Variants in HDAC3 observed in about 807,000 individuals in gnomAD.
HDAC3 encodes the protein SMAP45.
In HDAC3, 21 loss-of-function variants were observed where a neutral mutation model predicts 62.3. The ratio of observed to expected loss-of-function variants is 0.34; its 90% confidence interval spans 0.24 to 0.49. The LOEUF (loss-of-function observed/expected upper bound fraction) is 0.49. Among genes scored for constraint, HDAC3 ranks in the 20% least tolerant of loss-of-function variants. HDAC3 has a pLI of 0.99. For missense variants in HDAC3, 270 were observed against 556.9 expected, an observed-to-expected ratio of 0.48 and a Z score of 5.19; for synonymous variants, 198 against 206.5, an observed-to-expected ratio of 0.96 and a Z score of 0.35.
Position 141,630,060 on chromosome 5 carries a change from G to C in HDAC3, c.347C>G (p.Thr116Ser). The C allele has an allele frequency of 6.2e-7, 1 of 1,614,216 alleles. No individual in the cohort carries two copies. Among genetic ancestry groups the C allele is most frequent in the Non-Finnish European group, 8.5e-7 (1 of 1,180,042 alleles). ...CTATGTCACCTTGTTGTTCAGCTGGGTTGCTCCTTGCAGAGATGCGCCTGT... is the reference window on the plus strand; with the variant it reads ...CTATGTCACCTTGTTGTTCAGCTGGCTTGCTCCTTGCAGAGATGCGCCTGT... ...RYTGASLQGA[T>S]QLNNKICDIA... is the part of the protein sequence containing the mutation. The change falls in exon 4 of 15, where the codon ACC (threonine) becomes AGC (serine). Residue 116 changes from threonine (T) to serine (S), a missense_variant. Thr to Ser is a moderately conservative substitution (Grantham distance 58). Around this residue, in one of 5 missense-constraint regions of HDAC3, gnomAD observed 156 missense variants for 383.9 expected, o/e 0.41. Coordinates refer to ENST00000305264, the MANE Select transcript of HDAC3 (RefSeq NM_003883.4).
In HDAC3 at chr5:141,629,370, C is replaced by T. The variant is rs1421646035; in HGVS notation, c.477-64G>A. 12 of 1,605,590 alleles carry T rather than the reference C, an allele frequency of 7.5e-6. No individual in the cohort carries two copies. Among genetic ancestry groups the T allele is most frequent in the Non-Finnish European group, 1.0e-5 (12 of 1,174,416 alleles). ...AACCCCCCAACCCACTCCTCTCAAA[C>T]ACCGGGTCTCGAATTGTGAAGAGTC... On this transcript the variant is annotated intron_variant, in intron 6 of 14. Transcript: ENST00000305264. The surrounding 1 kb of genome is among the most constrained non-coding windows in gnomAD (Gnocchi z 5.3).
chr5:141,634,753 C>T (rs1351204205), intron 3 of HDAC3, 58 bp downstream of exon 3: 2 of 1,564,322 alleles, frequency 1.3e-6, no homozygotes, highest in East Asian at 2.3e-5. Flanking sequence ...GCCAAAAGAC[C>T]TCACTGAAGG....
chr5:141,622,803 A>G (rs1006128671), intron 14 of HDAC3, among the ~76,000 whole-genome samples: 1 of 151,980 alleles, frequency 6.6e-6, no homozygotes, highest in Non-Finnish European at 1.5e-5. Context: ...TTAACTAGCC[A>G]TGTGACCTTC....
At position 141,630,081 on chromosome 5, in the gene HDAC3, C is replaced by T; in HGVS notation, c.326G>A (p.Gly109Asp). The T allele has an allele frequency of 6.2e-7, 1 of 1,614,168 alleles. No individual in the cohort carries two copies. The highest frequency in any genetic ancestry group is 8.5e-7 in the Non-Finnish European group (1 of 1,180,050). ...CTGGGTTGCTCCTTGCAGAGATGCG[C>T]CTGTGTAACGCGAGCAGAACTCAAA... Reference protein sequence around the residue: ...GLFEFCSRYTGASLQGATQLN... With the variant: ...GLFEFCSRYTDASLQGATQLN... The change falls in exon 4 of 15, where the codon GGC becomes GAC. Residue 109 changes from glycine to aspartate, a missense_variant. Around this residue, in one of 5 missense-constraint regions of HDAC3, gnomAD observed 156 missense variants for 383.9 expected, o/e 0.41. Coordinates refer to ENST00000305264, the MANE Select transcript of HDAC3 (RefSeq NM_003883.4).
In HDAC3 at chr5:141,626,553, C is replaced by T. The variant is rs2099904445; in HGVS notation, c.831-270G>A. On this transcript the variant is annotated intron_variant, in intron 10 of 14. Coordinates refer to ENST00000305264, the MANE Select transcript of HDAC3 (RefSeq NM_003883.4). The surrounding 1 kb of genome is among the most constrained non-coding windows in gnomAD (Gnocchi z 4.6). ...CCTGCTAATCAACTATTCTCATCAACCCAAGTTCTGTCAATTCTAGCCTTG... is the reference window on the plus strand; with the variant it reads ...CCTGCTAATCAACTATTCTCATCAATCCAAGTTCTGTCAATTCTAGCCTTG... The T allele has an allele frequency of 2.3e-6, 1 of 436,030 alleles. No individual in the cohort carries two copies. The highest frequency in any genetic ancestry group is 2.0e-5 in the African/African-American group (1 of 49,940). 27.0% of individuals were successfully genotyped at this position (436,030 alleles called of 1,614,324 possible). A position where few individuals can be genotyped will look rare whatever the true frequency, so the allele number is the denominator to read the frequency against.
At chr5:141,631,393 G>C (rs2099905191) in intron 3 of HDAC3, among the ~76,000 whole-genome samples, 1 of 151,988 alleles carries the variant, frequency 6.6e-6, no homozygotes, top group African/African-American at 2.4e-5. Context: ...GTCAGCTCCA[G>C]GAAAAACAAA....
rs1562369503 is a variant in HDAC3 at position 141,629,908 on chromosome 5, A to G, written c.372T>C (p.Asp124=). The G allele has an allele frequency of 6.2e-7, 1 of 1,614,166 alleles. No individual in the cohort carries two copies. The highest frequency in any genetic ancestry group is 8.5e-7 in the Non-Finnish European group (1 of 1,180,032). ...GATQLNNKIC[D]IAINWAGGLH... The stretch of plus-strand genomic sequence containing the variant: ...GACCACCAGCCCAGTTAATGGCAAT[A>G]TCACAGATCTGAAAGACAAACACCT... The change falls in exon 5 of 15, where the codon GAT becomes GAC. Residue 124 remains aspartate (D), a synonymous_variant. Coordinates refer to ENST00000305264, the MANE Select transcript of HDAC3 (RefSeq NM_003883.4). The surrounding 1 kb of genome is among the most constrained non-coding windows in gnomAD (Gnocchi z 5.3).
rs3749764 is a variant in HDAC3, at chr5:141,621,378, C to A, written c.*90G>T. The A allele has an allele frequency of 0.026, 30,917 of 1,179,234 alleles. 552 individuals are homozygous for A. Among genetic ancestry groups the A allele is most frequent in the East Asian group, 0.045 (1,926 of 42,738 alleles). 73.0% of individuals were successfully genotyped at this position (1,179,234 alleles called of 1,614,324 possible). ...AGAGTCAGCAAAAGCCCTGGGGTGA[C>A]CCCCAGGACTCTAGGAGCCACTCCT... On this transcript the variant is annotated 3_prime_UTR_variant, in exon 15 of 15. Coordinates refer to ENST00000305264, the MANE Select transcript of HDAC3 (RefSeq NM_003883.4).
chr5:141,633,550 G>A (rs916726833), intron 3 of HDAC3, among the ~76,000 whole-genome samples: 1 of 152,152 alleles, frequency 6.6e-6, no homozygotes, highest in Non-Finnish European at 1.5e-5. Context: ...GCTCAGCTGG[G>A]TGCGATGGCT....
chr5:141,630,783 A>T (rs2099905091), intron 3 of HDAC3, among the ~76,000 whole-genome samples: 1 of 152,108 alleles, frequency 6.6e-6, no homozygotes, highest in Non-Finnish European at 1.5e-5. Flanking sequence ...GGTTGCAGAG[A>T]AGTTATTAAC....
chr5:141,623,211 T>C (rs1264738672), intron 14 of HDAC3, among the ~76,000 whole-genome samples: 2 of 152,234 alleles, frequency 1.3e-5, no homozygotes, highest in Non-Finnish European at 2.9e-5. Context: ...ATCAGAGTTG[T>C]CTGATGGCAA....
chr5:141,631,760 G>T (rs1224605759), intron 3 of HDAC3, among the ~76,000 whole-genome samples: 1 of 152,178 alleles, frequency 6.6e-6, no homozygotes, highest in Non-Finnish European at 1.5e-5. Context: ...GTGCTTAAGT[G>T]TCCTCATCGG....
intron 2 of HDAC3, 45 bp from the exon 3 acceptor site, chr5:141,634,998 C>A: frequency 6.2e-7 from 1 of 1,603,028 alleles, no homozygotes; most frequent in Non-Finnish European, 8.5e-7. Flanking sequence ...GTCAGCCCCA[C>A]TCCACAGGCT....
chr5:141,621,028 C>A lies in HDAC3; in HGVS notation c.*440G>T. The A allele has an allele frequency of 5.0e-6, 1 of 200,528 alleles. No individual in the cohort carries two copies. Among genetic ancestry groups the A allele is most frequent in the Non-Finnish European group, 1.0e-5 (1 of 99,106 alleles). The allele number at this position is 200,528 out of a possible 1,614,324, so 12.4% of individuals were successfully genotyped here. ...GGATTCAGGTGTTAGGGAGCCAGAG[C>A]CCCTTCCAAATCTCTCTCTCTTCAT... On this transcript the variant is annotated 3_prime_UTR_variant, in exon 15 of 15. Coordinates refer to ENST00000305264, the MANE Select transcript of HDAC3 (RefSeq NM_003883.4).
At chr5:141,633,970 G>A (rs1361552587) in intron 3 of HDAC3, among the ~76,000 whole-genome samples, 1 of 152,060 alleles carries the variant, frequency 6.6e-6, no homozygotes, top group African/African-American at 2.4e-5. Context: ...ACAAAAGTAA[G>A]TAGAATTGAG....
rs182789018 is a variant in HDAC3 at position 141,630,022 on chromosome 5, A to G, written c.363+22T>C. The stretch of plus-strand genomic sequence containing the variant: ...TCCAGGGATCCAGAGGAAAGGAAGA[A>G]CAGGACTCGGGACTATGTCACCTTG... On this transcript the variant is annotated intron_variant, in intron 4 of 14. Transcript: ENST00000305264. 2.0e-4 allele frequency: 319 copies of G among 1,613,698 alleles called. 1 individual carries two copies. The East Asian group carries it at 6.1e-3, about 31-fold the overall frequency.
chr5:141,629,574 C>A lies in HDAC3; in HGVS notation c.476+110G>T. ...GGCAGCCTGAATAAAGCATCAAGAA[C>A]TTGGGAGAAGCTAATCAGGGAGGAG... is the stretch of plus-strand genomic sequence containing the variant. On this transcript the variant is annotated intron_variant, in intron 6 of 14. Coordinates refer to ENST00000305264, the MANE Select transcript of HDAC3 (RefSeq NM_003883.4). This position sits in a 1 kb window ranked among gnomAD's most constrained non-coding sequence, Gnocchi z 5.3. 8.8e-7 allele frequency: 1 copy of A among 1,133,696 alleles called. No homozygotes were observed. The allele number at this position is 1,133,696 out of a possible 1,614,324, so 70.2% of individuals were successfully genotyped here. A position where few individuals can be genotyped will look rare whatever the true frequency, so the allele number is the denominator to read the frequency against.
At position 141,627,659 on chromosome 5, in the gene HDAC3, C is replaced by T. The variant is rs529365114; in HGVS notation, c.830+234G>A. On this transcript the variant is annotated intron_variant, in intron 10 of 14. Coordinates refer to ENST00000305264, the MANE Select transcript of HDAC3 (RefSeq NM_003883.4). ...CTCCATGGGAGACTCCTTATTCCAT[C>T]CCCATGATGTGGTATGATGCCTGGA... is the stretch of plus-strand genomic sequence containing the variant. Among the ~76,000 whole-genome samples the T allele has an allele frequency of 2.6e-5, 4 of 152,252 alleles. No individual in the cohort carries two copies. The South Asian group carries it at 8.3e-4, about 32-fold the overall frequency.
chr5:141,621,323 G>A lies in HDAC3; in HGVS notation c.*145C>T. ...GAGGAAAAGCAGGTAGATGGTTCGA[G>A]AACCAAATGTGGTCTCCAGACTCTT... On this transcript the variant is annotated 3_prime_UTR_variant, in exon 15 of 15. Coordinates refer to ENST00000305264, the MANE Select transcript of HDAC3 (RefSeq NM_003883.4). The A allele has an allele frequency of 1.4e-6, 1 of 711,262 alleles. No homozygotes were observed. Among genetic ancestry groups the A allele is most frequent in the Admixed American group, 2.6e-5 (1 of 37,928 alleles). 44.1% of individuals were successfully genotyped at this position (711,262 alleles called of 1,614,324 possible).
Sources: allele counts gnomAD v4.1 joint callset (sites outside exome capture counted in the v4.1 genomes callset), GRCh38; gene constraint gnomAD v4.1.1; regional missense constraint gnomAD v4.1.1; non-coding constraint Gnocchi (gnomAD v3.1); transcripts MANE v1.5; gene names NCBI Gene and HGNC (gene_info 2026-07-23, HGNC 2026-07-21).